The following ST18 variants were observed in gnomAD, a reference collection of about 807,000 sequenced individuals.
ST18 encodes the protein suppression of tumorigenicity 18 protein.
A neutral mutation model predicts 110.0 loss-of-function variants in ST18; 50 were observed. The ratio of observed to expected loss-of-function variants is 0.45; its 90% CI spans 0.36 to 0.58. The LOEUF is 0.58. Among genes scored for constraint, ST18 ranks in the 20% least tolerant of loss-of-function variants. The probability of loss-of-function intolerance (pLI) is 0.00; values close to 1 mark genes in which losing one functional copy is unlikely to be tolerated. For synonymous variants in ST18, 461 were observed against 452.4 expected (o/e 1.02, Z -0.24); for missense variants, 1,306 against 1,280.1 (o/e 1.02, Z -0.31).
At chr8:52,208,805 G>C (rs2081092140) in intron 8 of ST18, among the ~76,000 whole-genome samples, 1 of 151,502 alleles carries the variant, frequency 6.6e-6, no homozygotes, top group African/African-American at 2.4e-5. Flanking sequence ...GCGACACAGT[G>C]AGGCTTCGCC....
chr8:52,324,301 T>TGATGGATGGATG (rs201977608), intron 2 of ST18, among the ~76,000 whole-genome samples: 12 of 150,830 alleles, frequency 8.0e-5, no homozygotes, highest in Admixed American at 6.6e-4. Context: ...GGTTGATAGA[T>TGATGGATGGATG]GATGGATGGA....
rs762627588 is a variant in ST18 at position 52,136,674 on chromosome 8, GA to G, written c.2232-17del. ...TCCAGAAACACTAGAGAGGGATGAG[GA>G]AAAAAACACAACACAACACTGACAT... On this transcript the variant is annotated splice_polypyrimidine_tract_variant and intron_variant, in intron 18 of 25. Coordinates refer to ENST00000689386, the MANE Select transcript of ST18 (RefSeq NM_001352837.2). 18 of 1,593,866 alleles carry G rather than the reference GA, an allele frequency of 1.1e-5. No homozygotes were observed. In the Admixed American group the frequency reaches 1.6e-4, roughly 14 times the overall value.
rs529428893 is a variant in ST18, at chr8:52,113,412, G to A, written c.3004-74C>T. 1.3e-3 allele frequency: 2,017 copies of A among 1,561,176 alleles called. 3 individuals carry two copies. The highest frequency in any genetic ancestry group is 1.6e-3 in the Non-Finnish European group (1,874 of 1,146,942). On this transcript the variant is annotated intron_variant, in intron 25 of 25. Transcript: ENST00000689386. ...GGGAAAAGAAGGACCCAGTGACATC[G>A]AAGATCAGTGATCCGGGAGTCGGGA...
intron 2 of ST18, among the ~76,000 whole-genome samples, chr8:52,274,511 T>C (rs2095174650): frequency 6.6e-6 from 1 of 152,176 alleles, no homozygotes; most frequent in Non-Finnish European, 1.5e-5. Context: ...TTGTATGATG[T>C]TTCAGTGGCA....
At chr8:52,164,855 T>G (rs1003594691) in intron 12 of ST18, among the ~76,000 whole-genome samples, 5 of 152,214 alleles carry the variant, frequency 3.3e-5, no homozygotes, top group African/African-American at 9.6e-5. Context: ...ACATTCTATT[T>G]GTATGATTAT....
intron 2 of ST18, among the ~76,000 whole-genome samples, chr8:52,391,585 C>T (rs1018998316): frequency 6.6e-6 from 1 of 152,174 alleles, no homozygotes; most frequent in Non-Finnish European, 1.5e-5. Flanking sequence ...AAACTACTTG[C>T]CATTGTGTTA....
intron 2 of ST18, among the ~76,000 whole-genome samples, chr8:52,303,609 G>A (rs1181981606): frequency 6.6e-6 from 1 of 152,168 alleles, no homozygotes; most frequent in Non-Finnish European, 1.5e-5. Context: ...CACAACATTT[G>A]ATAAGCCTCA....
intron 2 of ST18, among the ~76,000 whole-genome samples, chr8:52,237,199 A>T (rs1166850138): frequency 6.6e-6 from 1 of 152,230 alleles, no homozygotes; most frequent in Non-Finnish European, 1.5e-5. Context: ...GCCCAGAGGT[A>T]TGTGGTCCAC....
chr8:52,163,308 C>A (rs1393199806), intron 13 of ST18, among the ~76,000 whole-genome samples: 6 of 152,190 alleles, frequency 3.9e-5, no homozygotes, highest in Non-Finnish European at 7.3e-5. Flanking sequence ...TTCAGTGACT[C>A]AGTAACAATA....
intron 10 of ST18, among the ~76,000 whole-genome samples, chr8:52,168,991 C>T (rs9792144): frequency 6.6e-6 from 1 of 151,920 alleles, no homozygotes; most frequent in Non-Finnish European, 1.5e-5. Context: ...GTTTCTAAAC[C>T]ACATTGAAAG....
intron 2 of ST18, among the ~76,000 whole-genome samples, chr8:52,310,881 G>A (rs533302194): frequency 4.2e-4 from 61 of 146,888 alleles, no homozygotes; most frequent in Admixed American, 3.6e-3. Context: ...ACTGCTCTGC[G>A]GAGAATGGGC....
intron 19 of ST18, among the ~76,000 whole-genome samples, chr8:52,135,506 G>A (rs923404253): frequency 1.4e-5 from 2 of 143,838 alleles, no homozygotes; most frequent in African/African-American, 5.2e-5. Flanking sequence ...GTTGCAGTGA[G>A]CCGAGACTGT....
At chr8:52,366,040 A>G (rs1481739262) in intron 2 of ST18, among the ~76,000 whole-genome samples, 1 of 152,068 alleles carries the variant, frequency 6.6e-6, no homozygotes, top group African/African-American at 2.4e-5. Flanking sequence ...AATTATCATC[A>G]TTGCTCCCAC....
intron 2 of ST18, chr8:52,407,946 A>C (rs1845096957): frequency 1.3e-5 from 2 of 152,186 alleles, no homozygotes; most frequent in South Asian, 4.1e-4. Context: ...GCTGAATTTT[A>C]ATTCAAATAG....
Position 52,180,973 on chromosome 8 carries a change from T to C in ST18, c.87-661A>G, listed in dbSNP as rs570977801. On this transcript the variant is annotated intron_variant, in intron 8 of 25. Transcript: ENST00000689386. ...GAAATAAGATTGGATTTCACAAAAA[T>C]GGACAACAGTTTATCCTCACTCCTG... Among the ~76,000 whole-genome samples the C allele has an allele frequency of 1.1e-4, 17 of 152,340 alleles. No homozygotes were observed. In the East Asian group the frequency reaches 2.9e-3, roughly 26 times the overall value.
chr8:52,364,299 A>T (rs1389009792), intron 2 of ST18, among the ~76,000 whole-genome samples: 1 of 152,098 alleles, frequency 6.6e-6, no homozygotes, highest in African/African-American at 2.4e-5. Context: ...TGAAATGAGG[A>T]AATCTAAGAA....
At chr8:52,366,563 C>G (rs1828024235) in intron 2 of ST18, among the ~76,000 whole-genome samples, 1 of 152,122 alleles carries the variant, frequency 6.6e-6, no homozygotes. Context: ...TTTCCCCTGC[C>G]TGGGACAGTC....
At chr8:52,214,412 C>T (rs1423225276) in intron 6 of ST18, 155 bp from the exon 7 acceptor site, 7 of 638,636 alleles carry the variant, frequency 1.1e-5, no homozygotes, top group Non-Finnish European at 1.6e-5. Flanking sequence ...CTGTGACTCC[C>T]CCCACATACC....
intron 3 of ST18, among the ~76,000 whole-genome samples, chr8:52,223,949 T>C (rs1317274083): frequency 6.6e-6 from 1 of 152,210 alleles, no homozygotes; most frequent in Admixed American, 6.5e-5. Context: ...TTGCTTTTTT[T>C]AATAAGTAAA....
Sources: gnomAD v4.1 joint callset for allele counts (sites outside exome capture counted in the v4.1 genomes callset) on GRCh38, gnomAD v4.1.1 for gene constraint, MANE v1.5 for transcripts, NCBI Gene and HGNC (gene_info 2026-07-23, HGNC 2026-07-21) for gene names.